The following PUM2 variants were observed in gnomAD, a reference collection of about 807,000 sequenced individuals.
PUM2 encodes the protein pumilio homolog 2.
In PUM2, 57 loss-of-function variants were observed where a neutral mutation model predicts 124.5. The observed-to-expected ratio is 0.46, with a 90% confidence interval of 0.37 to 0.57. PUM2 has a LOEUF of 0.57. Among genes scored for constraint, PUM2 ranks in the 20% least tolerant of loss-of-function variants. PUM2 has a pLI of 0.00. For synonymous variants in PUM2, 460 were observed against 446.1 expected (o/e 1.03, Z -0.39); for missense variants, 1,065 against 1,290.6 (o/e 0.83, Z 2.68).
chr2:20,297,655 C>A lies in PUM2; in HGVS notation c.907G>T (p.Ala303Ser). ...GGATTTGGCACAAATGCAGCTGGAG[C>A]AAGGCCTGCTGAGAATACACCAGCT... ...HIAGVFSAGL[A>S]PAAFVPNPYI... The change falls in exon 8 of 21, where the codon GCT becomes TCT. Residue 303 changes from alanine (A) to serine (S), a missense_variant. By Grantham distance (99) the Ala-to-Ser change is moderately conservative. Coordinates refer to ENST00000361078, the MANE Select transcript of PUM2 (RefSeq NM_015317.5). 6.2e-7 allele frequency: 1 copy of A among 1,612,960 alleles called. No individual in the cohort carries two copies. Among genetic ancestry groups the A allele is most frequent in the Non-Finnish European group, 8.5e-7 (1 of 1,179,074 alleles).
chr2:20,284,164 T>C (rs1047601080), intron 10 of PUM2, among the ~76,000 whole-genome samples: 7 of 152,180 alleles, frequency 4.6e-5, no homozygotes, highest in African/African-American at 1.7e-4. Context: ...TTGTTAATTC[T>C]CCTAAGGATG....
Position 20,260,472 on chromosome 2 carries a change from T to G in PUM2, c.2226-6A>C. Reference sequence around the variant, plus strand: ...CTAGTTTTTGCTGTATGAATCTACATAGGGAACATTTTTAATATGACAATA... The same window carrying G: ...CTAGTTTTTGCTGTATGAATCTACAGAGGGAACATTTTTAATATGACAATA... On this transcript the variant is annotated splice_region_variant and splice_polypyrimidine_tract_variant and intron_variant, in intron 14 of 20. Transcript: ENST00000361078. 6.2e-7 allele frequency: 1 copy of G among 1,600,082 alleles called. No homozygotes were observed. The highest frequency in any genetic ancestry group is 8.6e-7 in the Non-Finnish European group (1 of 1,168,992).
At chr2:20,275,309 A>G (rs1017176778) in intron 13 of PUM2, among the ~76,000 whole-genome samples, 3 of 152,076 alleles carry the variant, frequency 2.0e-5, no homozygotes, top group African/African-American at 7.2e-5. Flanking sequence ...CCATTTGTAG[A>G]TAACAATGAG....
intron 1 of PUM2, among the ~76,000 whole-genome samples, chr2:20,329,244 C>T (rs1333778225): frequency 4.8e-5 from 7 of 145,418 alleles, no homozygotes; most frequent in Non-Finnish European, 1.0e-4. Context: ...GGATGACCAA[C>T]ATGGTAAAAA....
At chr2:20,347,312 G>T (rs1486436015) in intron 1 of PUM2, among the ~76,000 whole-genome samples, 1 of 152,108 alleles carries the variant, frequency 6.6e-6, no homozygotes, top group Non-Finnish European at 1.5e-5. Flanking sequence ...TAATATTTGT[G>T]TTTAATTAGG....
At chr2:20,338,995 A>G (rs1287283557) in intron 1 of PUM2, among the ~76,000 whole-genome samples, 1 of 152,206 alleles carries the variant, frequency 6.6e-6, no homozygotes, top group African/African-American at 2.4e-5. Context: ...TCACACACTT[A>G]CATAGTTCTT....
chr2:20,290,597 C>G, intron 10 of PUM2, 55 bp downstream of exon 10: 1 of 1,528,208 alleles, frequency 6.5e-7, no homozygotes, highest in Non-Finnish European at 8.8e-7. Flanking sequence ...AGTGTGAGTA[C>G]CTACACTTAA....
At chr2:20,320,578 TAA>T (rs555291382) in intron 2 of PUM2, among the ~76,000 whole-genome samples, 1 of 148,180 alleles carries the variant, frequency 6.7e-6, no homozygotes, top group South Asian at 2.1e-4. Flanking sequence ...ATGTTTTAAT[TAA>T]AAAAAAAACT....
intron 13 of PUM2, among the ~76,000 whole-genome samples, chr2:20,274,547 A>G (rs11096654): frequency 0.29 from 44,604 of 151,938 alleles, 6,790 homozygotes; most frequent in Middle Eastern, 0.35. Flanking sequence ...AATCCACAGC[A>G]AACTAAAGCA....
intron 1 of PUM2, among the ~76,000 whole-genome samples, chr2:20,341,126 T>A (rs1010048307): frequency 6.6e-6 from 1 of 152,112 alleles, no homozygotes; most frequent in Admixed American, 6.5e-5. Flanking sequence ...AAGACCAGCG[T>A]AGGCAACATA....
Position 20,257,844 on chromosome 2 carries a change from C to T in PUM2, c.2484+399G>A, listed in dbSNP as rs149791987. Among the ~76,000 whole-genome samples the T allele has an allele frequency of 2.3e-3, 356 of 152,080 alleles. 2 individuals carry two copies. The highest frequency in any genetic ancestry group is 5.8e-3 in the East Asian group (30 of 5,178). On this transcript the variant is annotated intron_variant, in intron 16 of 20. Coordinates refer to ENST00000361078, the MANE Select transcript of PUM2 (RefSeq NM_015317.5). ...TGCTGGGCTATATTTTTAAAAAAAA[C>T]ATTTTCATATATGTAAATAAAACTG...
chr2:20,268,548 G>A (rs1485388754), intron 13 of PUM2, among the ~76,000 whole-genome samples: 2 of 152,116 alleles, frequency 1.3e-5, no homozygotes, highest in Admixed American at 1.3e-4. Flanking sequence ...AACCCAGGAG[G>A]CGAAGGTTAC....
chr2:20,260,230 T>G, intron 15 of PUM2, 107 bp downstream of exon 15: 1 of 1,218,482 alleles, frequency 8.2e-7, no homozygotes, highest in South Asian at 1.8e-5. Flanking sequence ...CCTGGCTTAT[T>G]ATCTTTTTTT....
chr2:20,274,423 C>A (rs184380267), intron 13 of PUM2, among the ~76,000 whole-genome samples: 1 of 152,074 alleles, frequency 6.6e-6, no homozygotes, highest in Admixed American at 6.6e-5. Flanking sequence ...AAGAGAAGCA[C>A]AAGACTAAGT....
In PUM2 at chr2:20,311,754, T is replaced by TGCAC. The variant is rs559882456; in HGVS notation, c.349-92_349-91insGTGC. The TGCAC allele has an allele frequency of 4.1e-4, 505 of 1,245,894 alleles. 6 individuals carry two copies. The South Asian group carries it at 7.1e-3, about 17-fold the overall frequency. 77.2% of individuals were successfully genotyped at this position (1,245,894 alleles called of 1,614,324 possible). A position where few individuals can be genotyped will look rare whatever the true frequency, so the allele number is the denominator to read the frequency against. On this transcript the variant is annotated intron_variant, in intron 4 of 20. Coordinates refer to ENST00000361078, the MANE Select transcript of PUM2 (RefSeq NM_015317.5). ...TGACCTAACACTACACTACAGTGCA[T>TGCAC]GTAAACAATAAAAGCATTGAATCTT...
At chr2:20,300,433 G>A (rs887714920) in intron 7 of PUM2, among the ~76,000 whole-genome samples, 5 of 152,250 alleles carry the variant, frequency 3.3e-5, no homozygotes, top group Admixed American at 3.3e-4. Flanking sequence ...ACAGGCGTGA[G>A]CCATAGCACC....
intron 16 of PUM2, among the ~76,000 whole-genome samples, chr2:20,257,253 T>C (rs1309326474): frequency 6.6e-6 from 1 of 152,086 alleles, no homozygotes; most frequent in African/African-American, 2.4e-5. Context: ...GTGACACACA[T>C]TAAAATTACT....
Position 20,327,290 on chromosome 2 carries a change from T to C in PUM2, c.51+20A>G, listed in dbSNP as rs200624469. On this transcript the variant is annotated intron_variant, in intron 2 of 20. Coordinates refer to ENST00000361078, the MANE Select transcript of PUM2 (RefSeq NM_015317.5). ...CAAAATAAAGTGAGGTGTAAGTTCT[T>C]AGTATTTGCAAACATTTACCTCTCC... 56 of 1,487,570 alleles carry C rather than the reference T, an allele frequency of 3.8e-5. No individual in the cohort carries two copies. The East Asian group carries it at 8.1e-4, about 22-fold the overall frequency. The allele number at this position is 1,487,570 out of a possible 1,614,324, so 92.1% of individuals were successfully genotyped here. A position where few individuals can be genotyped will look rare whatever the true frequency, so the allele number is the denominator to read the frequency against.
Position 20,308,505 on chromosome 2 carries a change from G to C in PUM2, c.598C>G (p.Leu200Val). ...GCTGTAGGATTAGGAAGAGGCCCCA[G>C]TCCTTCTGAGGGATTAGTATTGGGG... ...LGPNTNPSEG[L>V]GPLPNPTANK... The change falls in exon 6 of 21, where the codon CTG becomes GTG. Residue 200 changes from leucine to valine, a missense_variant. Physicochemically the swap from Leu to Val is conservative, Grantham distance 32. This residue lies in a region of PUM2 where 968 missense variants were observed against 1,159.8 expected (regional missense o/e 0.83). Coordinates refer to ENST00000361078, the MANE Select transcript of PUM2 (RefSeq NM_015317.5). The C allele has an allele frequency of 6.2e-7, 1 of 1,614,108 alleles. No individual in the cohort carries two copies. The highest frequency in any genetic ancestry group is 8.5e-7 in the Non-Finnish European group (1 of 1,179,940).
Sources: allele counts gnomAD v4.1 joint callset (sites outside exome capture counted in the v4.1 genomes callset), GRCh38; gene constraint gnomAD v4.1.1; regional missense constraint gnomAD v4.1.1; transcripts MANE v1.5; gene names NCBI Gene and HGNC (gene_info 2026-07-23, HGNC 2026-07-21).